Variants in SMYD3 observed in about 807,000 individuals in gnomAD.
SMYD3 encodes SET and MYND domain containing 3.
In SMYD3, 36 loss-of-function variants were observed where a neutral mutation model predicts 57.7. That is an observed-to-expected ratio of 0.62 (90% CI 0.48 to 0.82). The LOEUF (loss-of-function observed/expected upper bound fraction) is 0.82. SMYD3 is among the 40% of genes least tolerant of loss of function. SMYD3 has a pLI of 0.00. For synonymous variants in SMYD3, 211 were observed against 195.0 expected, an observed-to-expected ratio of 1.08 and a Z score of -0.68; for missense variants, 515 against 538.8, an observed-to-expected ratio of 0.96 and a Z score of 0.44.
chr1:246,469,696 A>G (rs1442164438), intron 1 of SMYD3, among the ~76,000 whole-genome samples: 1 of 152,222 alleles, frequency 6.6e-6, no homozygotes, highest in African/African-American at 2.4e-5. Flanking sequence ...TTAGAAGAAA[A>G]TAAAGACATA....
chr1:246,333,702 C>T (rs1372837699), intron 3 of SMYD3, among the ~76,000 whole-genome samples: 4 of 151,600 alleles, frequency 2.6e-5, no homozygotes, highest in South Asian at 2.1e-4. Flanking sequence ...GATGAAACTT[C>T]GTCTTTCCAA....
intron 5 of SMYD3, among the ~76,000 whole-genome samples, chr1:246,276,777 C>T (rs200839722): frequency 7.5e-5 from 11 of 147,612 alleles, no homozygotes; most frequent in South Asian, 4.5e-4. Context: ...TTTCACTAGC[C>T]GTATTAACAC....
At chr1:246,491,924 G>A (rs967274422) in intron 1 of SMYD3, among the ~76,000 whole-genome samples, 6 of 152,292 alleles carry the variant, frequency 3.9e-5, no homozygotes, top group South Asian at 2.1e-4. Context: ...ATGTCTGAAC[G>A]CAACTCTGTT....
chr1:246,138,392 T>A (rs12760968), intron 5 of SMYD3, among the ~76,000 whole-genome samples: 74,865 of 151,132 alleles, frequency 0.5, 22,628 homozygotes, highest in Non-Finnish European at 0.69. Context: ...GGTCAGTTCA[T>A]CTCTTCCTAT....
At position 246,306,822 on chromosome 1, in the gene SMYD3, T is replaced by A. The variant is rs2064986807; in HGVS notation, c.531+20379A>T. ...AATGACTTGGCAAAGCCAATCCTAA[T>A]GACAAGGATTTTGCCGAGTCATGTA... On this transcript the variant is annotated intron_variant, in intron 5 of 11. Transcript: ENST00000490107. Among the ~76,000 whole-genome samples, 3 of 152,200 alleles carry A rather than the reference T, an allele frequency of 2.0e-5. No individual in the cohort carries two copies. In the South Asian group the frequency reaches 6.2e-4, roughly 32 times the overall value.
intron 5 of SMYD3, among the ~76,000 whole-genome samples, chr1:246,291,462 T>G (rs1199758725): frequency 6.6e-6 from 1 of 152,248 alleles, no homozygotes; most frequent in Non-Finnish European, 1.5e-5. Context: ...TTTATTTATA[T>G]GTTAACCTCC....
Position 245,786,197 on chromosome 1 carries a change from T to G in SMYD3, c.1077-22048A>C, listed in dbSNP as rs12092309. Among the ~76,000 whole-genome samples, 494 of 104,462 alleles carry G rather than the reference T, an allele frequency of 4.7e-3. 8 individuals are homozygous for G. The highest frequency in any genetic ancestry group is 0.021 in the African/African-American group (455 of 21,722). The allele number at this position is 104,462 out of a possible 152,430, so 68.5% of individuals were successfully genotyped here. ...AGCTTTGTAAGGATAAGCACTGAGT[T>G]GAGTTGGGGTGTGGACGGGGGGGGG... On this transcript the variant is annotated intron_variant, in intron 10 of 11. Transcript: ENST00000490107.
chr1:246,178,356 A>G (rs1285167468), intron 5 of SMYD3, among the ~76,000 whole-genome samples: 2 of 152,234 alleles, frequency 1.3e-5, no homozygotes, highest in Non-Finnish European at 2.9e-5. Flanking sequence ...CTGAACTTGA[A>G]TGAACCAAGG....
At chr1:246,502,610 G>A (rs560557943) in intron 1 of SMYD3, among the ~76,000 whole-genome samples, 5 of 152,088 alleles carry the variant, frequency 3.3e-5, no homozygotes, top group Admixed American at 6.5e-5. Flanking sequence ...CTCCTTACCC[G>A]GGCTGGTTTA....
At chr1:246,232,465 A>T (rs563468131) in intron 5 of SMYD3, among the ~76,000 whole-genome samples, 8 of 151,932 alleles carry the variant, frequency 5.3e-5, no homozygotes, top group African/African-American at 1.9e-4. Flanking sequence ...GAGGAGAAGC[A>T]CTCCTTCAAT....
intron 5 of SMYD3, among the ~76,000 whole-genome samples, chr1:245,950,840 G>C (rs10802302): frequency 0.3 from 45,896 of 152,058 alleles, 10,263 homozygotes; most frequent in African/African-American, 0.62. Context: ...ATTTGCAAAC[G>C]TAAATTCACA....
chr1:246,401,980 C>T (rs2066777028), intron 1 of SMYD3, among the ~76,000 whole-genome samples: 1 of 152,354 alleles, frequency 6.6e-6, no homozygotes, highest in Non-Finnish European at 1.5e-5. Flanking sequence ...TCCCAGCCTC[C>T]CAAAGTGCTG....
At chr1:245,797,729 G>A (rs746544251) in intron 10 of SMYD3, among the ~76,000 whole-genome samples, 1 of 150,132 alleles carries the variant, frequency 6.7e-6, no homozygotes, top group Admixed American at 6.6e-5. Flanking sequence ...AAAAAGAAAC[G>A]GCCAACTCTA....
At chr1:245,966,487 G>C (rs775821627) in intron 5 of SMYD3, among the ~76,000 whole-genome samples, 1 of 152,100 alleles carries the variant, frequency 6.6e-6, no homozygotes, top group African/African-American at 2.4e-5. Context: ...CTATTTTCTA[G>C]CATAACATGG....
intron 5 of SMYD3, among the ~76,000 whole-genome samples, chr1:245,987,378 C>A (rs1430004713): frequency 6.6e-6 from 1 of 152,176 alleles, no homozygotes; most frequent in Non-Finnish European, 1.5e-5. Context: ...TTTATGCCAG[C>A]CTCTACCCAC....
chr1:246,200,302 T>C (rs528698240), intron 5 of SMYD3, among the ~76,000 whole-genome samples: 4 of 151,136 alleles, frequency 2.6e-5, no homozygotes, highest in African/African-American at 7.3e-5. Context: ...AGACGCCCAC[T>C]GTAATAGAGA....
chr1:245,984,689 C>T (rs2058668223), intron 5 of SMYD3, among the ~76,000 whole-genome samples: 1 of 152,206 alleles, frequency 6.6e-6, no homozygotes, highest in Non-Finnish European at 1.5e-5. Flanking sequence ...AACAACTAAT[C>T]TAAGACCTGC....
chr1:245,971,714 A>G (rs962081140), intron 5 of SMYD3, among the ~76,000 whole-genome samples: 3 of 152,110 alleles, frequency 2.0e-5, no homozygotes, highest in African/African-American at 7.2e-5. Flanking sequence ...GCAGTCACTC[A>G]ATTCATGGTT....
chr1:246,427,567 A>C (rs908245956), intron 1 of SMYD3, among the ~76,000 whole-genome samples: 54 of 152,090 alleles, frequency 3.6e-4, no homozygotes, highest in Non-Finnish European at 6.2e-4. Context: ...ACATACATTT[A>C]AGAAAGATTA....
Sources: allele counts gnomAD v4.1 joint callset (sites outside exome capture counted in the v4.1 genomes callset), GRCh38; gene constraint gnomAD v4.1.1; transcripts MANE v1.5; gene names NCBI Gene and HGNC (gene_info 2026-07-23, HGNC 2026-07-21).